The following SLC25A21 variants were observed in gnomAD, a reference collection of about 807,000 sequenced individuals.
The protein encoded by SLC25A21 is mitochondrial 2-oxodicarboxylate carrier.
Under a neutral mutation model 43.8 loss-of-function variants are expected in SLC25A21, and 47 were observed. The observed-to-expected ratio is 1.07, with a 90% CI of 0.85 to 1.37. The LOEUF (loss-of-function observed/expected upper bound fraction) is 1.37, where lower values mean the gene tolerates loss of function less well. SLC25A21 is among the 40% of genes most tolerant of loss of function. SLC25A21 has a pLI of 0.00. For synonymous variants in SLC25A21, 131 were observed against 121.3 expected (o/e 1.08, Z -0.52); for missense variants, 352 against 350.2 (o/e 1.00, Z -0.04).
intron 1 of SLC25A21, among the ~76,000 whole-genome samples, chr14:36,897,224 G>A (rs1055247234): frequency 2.6e-5 from 4 of 152,138 alleles, no homozygotes; most frequent in Non-Finnish European, 5.9e-5. Context: ...ATTTCTTGGA[G>A]GCTTTGTTCA....
intron 1 of SLC25A21, among the ~76,000 whole-genome samples, chr14:36,875,353 AG>A (rs528491078): frequency 5.0e-4 from 76 of 152,282 alleles, no homozygotes; most frequent in African/African-American, 1.8e-3. Context: ...GAAGGAAGGG[AG>A]GAAAGAAAAG....
chr14:36,876,936 G>A (rs867447760), intron 1 of SLC25A21, among the ~76,000 whole-genome samples: 2 of 127,534 alleles, frequency 1.6e-5, no homozygotes, highest in African/African-American at 5.6e-5. Context: ...TAGATAGATA[G>A]ATACACACAC....
intron 1 of SLC25A21, among the ~76,000 whole-genome samples, chr14:37,157,075 C>T (rs770412879): frequency 6.6e-6 from 1 of 152,102 alleles, no homozygotes; most frequent in Non-Finnish European, 1.5e-5. Context: ...AATCATATCA[C>T]GCCCAGCACG....
At chr14:36,684,101 G>A (rs1015548153) in intron 8 of SLC25A21, among the ~76,000 whole-genome samples, 3 of 152,300 alleles carry the variant, frequency 2.0e-5, no homozygotes, top group African/African-American at 7.2e-5. Context: ...TGTCCAATCA[G>A]AAACATGACT....
At position 36,896,426 on chromosome 14, in the gene SLC25A21, A is replaced by G. The variant is rs568139108; in HGVS notation, c.71-21422T>C. Among the ~76,000 whole-genome samples the G allele has an allele frequency of 1.2e-4, 18 of 152,130 alleles. No individual in the cohort carries two copies. In the East Asian group the frequency reaches 3.3e-3, roughly 28 times the overall value. On this transcript the variant is annotated intron_variant, in intron 1 of 9. Transcript: ENST00000331299. ...TCCTCCATCCCTTTATTTTGAGCTT[A>G]TATGTGTCTCTGCACGTGAGATGGG...
At chr14:36,852,882 T>A (rs1429727033) in intron 2 of SLC25A21, among the ~76,000 whole-genome samples, 1 of 152,158 alleles carries the variant, frequency 6.6e-6, no homozygotes, top group Non-Finnish European at 1.5e-5. Flanking sequence ...AAACTTAATA[T>A]ACTGAATTTG....
chr14:36,770,944 T>A (rs1302165922), intron 3 of SLC25A21, among the ~76,000 whole-genome samples: 1 of 152,208 alleles, frequency 6.6e-6, no homozygotes, highest in Non-Finnish European at 1.5e-5. Flanking sequence ...TATGCTTACA[T>A]GTAATACTAG....
intron 7 of SLC25A21, among the ~76,000 whole-genome samples, chr14:36,704,547 C>T (rs1439574402): frequency 6.6e-6 from 1 of 151,556 alleles, no homozygotes; most frequent in Non-Finnish European, 1.5e-5. Context: ...ATCCCAGCTA[C>T]TCAGGAGGCT....
chr14:37,098,750 C>T (rs61989526), intron 1 of SLC25A21, among the ~76,000 whole-genome samples: 3,256 of 13,608 alleles, frequency 0.24, 100 homozygotes, highest in African/African-American at 0.3. Flanking sequence ...GATAGATAGA[C>T]AGACAGACAG....
At chr14:37,006,738 T>A (rs1402262401) in intron 1 of SLC25A21, among the ~76,000 whole-genome samples, 1 of 152,194 alleles carries the variant, frequency 6.6e-6, no homozygotes, top group Admixed American at 6.5e-5. Context: ...ATATATTTTA[T>A]GGTAGTTACC....
At chr14:36,911,384 G>A (rs913746689) in intron 1 of SLC25A21, among the ~76,000 whole-genome samples, 1 of 152,150 alleles carries the variant, frequency 6.6e-6, no homozygotes, top group African/African-American at 2.4e-5. Flanking sequence ...AAAGGGCAGC[G>A]TTCGGATCCC....
chr14:36,764,095 GGAAGGAAGGAAGGAAGGAAA>G (rs1886286086), intron 3 of SLC25A21, among the ~76,000 whole-genome samples: 1 of 29,960 alleles, frequency 3.3e-5, no homozygotes, highest in Non-Finnish European at 5.9e-5. Context: ...AAGGAAGGAA[GGAAGGAAGGAAGGAAGGAAA>G]GAAGGAAAGA....
intron 1 of SLC25A21, among the ~76,000 whole-genome samples, chr14:36,882,530 G>C (rs1005792477): frequency 2.6e-5 from 4 of 152,100 alleles, no homozygotes; most frequent in African/African-American, 9.7e-5. Context: ...AATCTGTGTA[G>C]CCAAAACAAA....
intron 1 of SLC25A21, among the ~76,000 whole-genome samples, chr14:36,888,595 T>C (rs924838883): frequency 6.6e-6 from 1 of 152,140 alleles, no homozygotes; most frequent in Non-Finnish European, 1.5e-5. Flanking sequence ...TCCATGTGTG[T>C]GCACAGGAAA....
intron 9 of SLC25A21, among the ~76,000 whole-genome samples, chr14:36,682,658 G>A (rs1014910602): frequency 2.0e-5 from 3 of 152,104 alleles, no homozygotes; most frequent in African/African-American, 4.8e-5. Flanking sequence ...CTGCGGTGAA[G>A]GAAAAACACC....
chr14:36,679,312 C>A lies in SLC25A21; in HGVS notation c.*1346G>T. The A allele has an allele frequency of 1.0e-6, 1 of 973,614 alleles. No individual in the cohort carries two copies. The highest frequency in any genetic ancestry group is 1.2e-6 in the Non-Finnish European group (1 of 819,392). The allele number at this position is 973,614 out of a possible 1,614,324, so 60.3% of individuals were successfully genotyped here. A position where few individuals can be genotyped will look rare whatever the true frequency, so the allele number is the denominator to read the frequency against. On this transcript the variant is annotated 3_prime_UTR_variant, in exon 10 of 10. Transcript: ENST00000331299. ...GTATGTATATACAGTATGTCAAAAG[C>A]CTTTTATTTTTATACTTCAAATGCT...
At chr14:36,687,261 T>G (rs1255824929) in intron 7 of SLC25A21, among the ~76,000 whole-genome samples, 1 of 152,134 alleles carries the variant, frequency 6.6e-6, no homozygotes, top group Non-Finnish European at 1.5e-5. Flanking sequence ...CCCACCTTTG[T>G]TTTCTATACA....
In SLC25A21 at chr14:36,895,455, C is replaced by T. The variant is rs1466289858; in HGVS notation, c.71-20451G>A. Among the ~76,000 whole-genome samples, 33 of 152,200 alleles carry T rather than the reference C, an allele frequency of 2.2e-4. No homozygotes were observed. The East Asian group carries it at 4.4e-3, about 21-fold the overall frequency. ...TTTTCTTCTTTATTAGTCTTGCTAG[C>T]AGTCTATCAATTTTGTTGATCTTTT... On this transcript the variant is annotated intron_variant, in intron 1 of 9. Coordinates refer to ENST00000331299, the MANE Select transcript of SLC25A21 (RefSeq NM_030631.4).
At chr14:37,020,258 G>A (rs923143586) in intron 1 of SLC25A21, among the ~76,000 whole-genome samples, 1 of 151,818 alleles carries the variant, frequency 6.6e-6, no homozygotes, top group African/African-American at 2.4e-5. Flanking sequence ...ACTCTGGTAA[G>A]CTGTACATAG....
Sources: gnomAD v4.1 joint callset for allele counts (sites outside exome capture counted in the v4.1 genomes callset) on GRCh38, gnomAD v4.1.1 for gene constraint, MANE v1.5 for transcripts, NCBI Gene and HGNC (gene_info 2026-07-23, HGNC 2026-07-21) for gene names.